Variants in SEC22C observed in about 807,000 individuals in gnomAD.
SEC22C encodes SEC22 homolog C, vesicle trafficking protein.
In SEC22C, 29 loss-of-function variants were observed where a neutral mutation model predicts 34.7. That is an observed-to-expected ratio of 0.84 (90% CI 0.62 to 1.14). The LOEUF (loss-of-function observed/expected upper bound fraction) is 1.14. Among genes scored for constraint, SEC22C ranks in the 50% most tolerant of loss-of-function variants. The pLI is 0.00. For missense variants in SEC22C, 337 were observed against 369.0 expected (o/e 0.91, Z 0.71); for synonymous variants, 117 against 132.8 (o/e 0.88, Z 0.82).
At chr3:42,586,229 T>TTTG (rs948353460), upstream of SEC22C, among the ~76,000 whole-genome samples, 2 of 152,112 alleles carry the variant, frequency 1.3e-5, no homozygotes, top group Non-Finnish European at 2.9e-5. Flanking sequence ...TCCTTGTTCT[T>TTTG]TTGTTGTTGT....
Position 42,550,606 on chromosome 3 carries a change from T to A in SEC22C, c.*2642A>T. 1 of 985,432 alleles carries A rather than the reference T, an allele frequency of 1.0e-6. No individual in the cohort carries two copies. Among genetic ancestry groups the A allele is most frequent in the African/African-American group, 1.7e-5 (1 of 57,358 alleles). 61.0% of individuals were successfully genotyped at this position (985,432 alleles called of 1,614,324 possible). ...TTTTTCTAGTGCATCTTTTCCCTTT[T>A]GTTTGCAAAAGTCAATCTCACCCCA... On this transcript the variant is annotated 3_prime_UTR_variant, in exon 7 of 7. Transcript: ENST00000264454.
chr3:42,572,018 G>A (rs893517607), intron 1 of SEC22C, among the ~76,000 whole-genome samples: 3 of 152,154 alleles, frequency 2.0e-5, no homozygotes, highest in African/African-American at 7.2e-5. Context: ...AGGTGACAGA[G>A]TGAGACCCTG....
intron 3 of SEC22C, among the ~76,000 whole-genome samples, chr3:42,562,596 G>A (rs1438386922): frequency 6.6e-6 from 1 of 152,232 alleles, no homozygotes; most frequent in Admixed American, 6.5e-5. Flanking sequence ...AACACTTCCA[G>A]GTGCTGGTTC....
At chr3:42,566,992 T>A (rs745668635) in intron 2 of SEC22C, among the ~76,000 whole-genome samples, 10 of 152,200 alleles carry the variant, frequency 6.6e-5, no homozygotes, top group Non-Finnish European at 1.0e-4. Flanking sequence ...TGGCTCACTG[T>A]GGCCTCGACC....
chr3:42,591,274 C>G (rs1704828568), intron 1 of SEC22C: 6 of 563,516 alleles, frequency 1.1e-5, no homozygotes, highest in Non-Finnish European at 1.9e-5. Flanking sequence ...TCTTGGCTCA[C>G]TGAAACCACC....
At chr3:42,564,771 GT>G (rs1176814996) in intron 2 of SEC22C, among the ~76,000 whole-genome samples, 1 of 151,982 alleles carries the variant, frequency 6.6e-6, no homozygotes, top group Non-Finnish European at 1.5e-5. Flanking sequence ...GTTTTGTTTT[GT>G]TTTGACACAG....
At chr3:42,572,214 A>C (rs1703680700) in intron 1 of SEC22C, among the ~76,000 whole-genome samples, 1 of 145,174 alleles carries the variant, frequency 6.9e-6, no homozygotes, top group African/African-American at 2.7e-5. Flanking sequence ...CAATGGGTAC[A>C]GACCAAAAAA....
chr3:42,556,352 T>G (rs1441088117), intron 5 of SEC22C, among the ~76,000 whole-genome samples: 2 of 152,240 alleles, frequency 1.3e-5, no homozygotes, highest in Non-Finnish European at 2.9e-5. Context: ...CATACACTGT[T>G]TTGGGCCATG....
chr3:42,580,900 T>C (rs1346459386), intron 1 of SEC22C, among the ~76,000 whole-genome samples: 1 of 152,254 alleles, frequency 6.6e-6, no homozygotes, highest in Non-Finnish European at 1.5e-5. Context: ...AACTGCTCTT[T>C]ATCCACTGTA....
At chr3:42,591,026 G>C in intron 1 of SEC22C, 1 of 1,533,068 alleles carries the variant, frequency 6.5e-7, no homozygotes, top group Non-Finnish European at 8.8e-7. Flanking sequence ...GAGGGGCTGC[G>C]GGGTGCGAGA....
At chr3:42,553,945 CCTT>C (rs1261116700) in intron 6 of SEC22C, among the ~76,000 whole-genome samples, 3 of 152,206 alleles carry the variant, frequency 2.0e-5, no homozygotes, top group Non-Finnish European at 4.4e-5. Context: ...TGGGCACCCT[CCTT>C]ATCATGTCTT....
chr3:42,598,769 C>G (rs766255114), intron 1 of SEC22C, among the ~76,000 whole-genome samples: 1 of 151,960 alleles, frequency 6.6e-6, no homozygotes, highest in Non-Finnish European at 1.5e-5. Flanking sequence ...TTTAATAATA[C>G]AGAGTTTCAG....
chr3:42,578,407 T>A (rs528101953), intron 1 of SEC22C, among the ~76,000 whole-genome samples: 73 of 152,016 alleles, frequency 4.8e-4, no homozygotes, highest in African/African-American at 1.8e-3. Context: ...TTGTCAGAGG[T>A]TAGGGATGGT....
intron 1 of SEC22C, among the ~76,000 whole-genome samples, chr3:42,569,766 AC>A: frequency 6.6e-6 from 1 of 152,208 alleles, no homozygotes; most frequent in East Asian, 1.9e-4. Flanking sequence ...ATATGTGAAT[AC>A]CATTAAGAAA....
intron 1 of SEC22C, among the ~76,000 whole-genome samples, chr3:42,576,708 T>A (rs1310476877): frequency 6.6e-6 from 1 of 151,334 alleles, no homozygotes; most frequent in Non-Finnish European, 1.5e-5. Flanking sequence ...TCCCCCAAAC[T>A]GATATACAGG....
chr3:42,580,428 C>A (rs544175335), intron 1 of SEC22C: 8 of 152,106 alleles, frequency 5.3e-5, no homozygotes, highest in Admixed American at 3.9e-4. Flanking sequence ...GTTGTGCCAC[C>A]CTTACTGAAT....
chr3:42,575,318 T>C (rs1293681858), intron 1 of SEC22C, among the ~76,000 whole-genome samples: 1 of 152,162 alleles, frequency 6.6e-6, no homozygotes, highest in East Asian at 1.9e-4. Flanking sequence ...GGTCTAAATA[T>C]GACAATTGCC....
chr3:42,580,904 C>T (rs2125729754), intron 1 of SEC22C, among the ~76,000 whole-genome samples: 1 of 152,306 alleles, frequency 6.6e-6, no homozygotes, highest in Admixed American at 6.5e-5. Context: ...GCTCTTTATC[C>T]ACTGTATTAC....
At chr3:42,577,135 G>A (rs1704017012) in intron 1 of SEC22C, among the ~76,000 whole-genome samples, 1 of 152,026 alleles carries the variant, frequency 6.6e-6, no homozygotes, top group Non-Finnish European at 1.5e-5. Flanking sequence ...ATATAAATAT[G>A]AAAAATAAAA....
Sources: allele counts gnomAD v4.1 joint callset (sites outside exome capture counted in the v4.1 genomes callset), GRCh38; gene constraint gnomAD v4.1.1; transcripts MANE v1.5; gene names NCBI Gene and HGNC (gene_info 2026-07-23, HGNC 2026-07-21).